SGCZ: variants seen among roughly 807,000 people sequenced by gnomAD.
SGCZ encodes sarcoglycan zeta.
SGCZ carries 40 observed loss-of-function variants against 41.3 expected under a neutral mutation model. That is an observed-to-expected ratio of 0.97 (90% CI 0.75 to 1.26). The LOEUF (loss-of-function observed/expected upper bound fraction) is 1.26. SGCZ is among the 50% of genes most tolerant of loss of function. The probability of loss-of-function intolerance (pLI) is 0.00; values close to 1 mark genes in which losing one functional copy is unlikely to be tolerated. For missense variants in SGCZ, 552 were observed against 369.8 expected, an observed-to-expected ratio of 1.49 and a Z score of -4.04; for synonymous variants, 206 against 137.5, an observed-to-expected ratio of 1.50 and a Z score of -3.49.
intron 2 of SGCZ, among the ~76,000 whole-genome samples, chr8:14,404,551 A>C (rs533534965): frequency 6.6e-6 from 1 of 152,330 alleles, no homozygotes; most frequent in East Asian, 1.9e-4. Flanking sequence ...TTGTCATTTC[A>C]AATTAGATGT....
chr8:14,121,357 T>C (rs1802690503), intron 5 of SGCZ, among the ~76,000 whole-genome samples: 1 of 152,206 alleles, frequency 6.6e-6, no homozygotes, highest in East Asian at 1.9e-4. Context: ...CATAGCAAAT[T>C]GATGCCGTTA....
chr8:14,935,331 A>T (rs1411416932), intron 1 of SGCZ, among the ~76,000 whole-genome samples: 2 of 151,752 alleles, frequency 1.3e-5, no homozygotes, highest in South Asian at 4.1e-4. Context: ...CCATGTTGAC[A>T]TACATAACTT....
chr8:15,209,978 C>A (rs146055880), intron 1 of SGCZ, among the ~76,000 whole-genome samples: 1 of 152,046 alleles, frequency 6.6e-6, no homozygotes, highest in South Asian at 2.1e-4. Flanking sequence ...GGGATTTACT[C>A]ACACTATTTA....
chr8:14,373,462 C>A (rs1803985498), intron 2 of SGCZ, among the ~76,000 whole-genome samples: 1 of 152,076 alleles, frequency 6.6e-6, no homozygotes, highest in South Asian at 2.1e-4. Flanking sequence ...CCATGATATT[C>A]AGAGAAGACA....
At chr8:14,793,289 C>T (rs531146473) in intron 1 of SGCZ, among the ~76,000 whole-genome samples, 1 of 152,198 alleles carries the variant, frequency 6.6e-6, no homozygotes, top group African/African-American at 2.4e-5. Context: ...TAACAGATGT[C>T]CCTGCTTCCA....
At chr8:14,121,439 T>C (rs1008829188) in intron 5 of SGCZ, among the ~76,000 whole-genome samples, 1 of 152,120 alleles carries the variant, frequency 6.6e-6, no homozygotes, top group African/African-American at 2.4e-5. Flanking sequence ...TAGAAAATAA[T>C]GCTCTTTTTT....
intron 1 of SGCZ, among the ~76,000 whole-genome samples, chr8:15,008,623 T>C (rs112480283): frequency 0.43 from 11,009 of 25,654 alleles, 2,801 homozygotes; most frequent in Non-Finnish European, 0.46. Context: ...GATGGACGGA[T>C]GGGAGGGAAG....
chr8:14,709,934 T>C (rs1809459405), intron 1 of SGCZ, among the ~76,000 whole-genome samples: 1 of 152,180 alleles, frequency 6.6e-6, no homozygotes, highest in Non-Finnish European at 1.5e-5. Flanking sequence ...TATGTACCTG[T>C]TGAAGTCTGT....
At chr8:14,296,155 A>C (rs985573562) in intron 3 of SGCZ, among the ~76,000 whole-genome samples, 1 of 152,180 alleles carries the variant, frequency 6.6e-6, no homozygotes, top group Non-Finnish European at 1.5e-5. Flanking sequence ...AGACTCAACA[A>C]GATCTATCTG....
chr8:14,612,782 G>A (rs893942165), intron 1 of SGCZ, among the ~76,000 whole-genome samples: 1 of 152,078 alleles, frequency 6.6e-6, no homozygotes, highest in Non-Finnish European at 1.5e-5. Flanking sequence ...CACCTCCCAA[G>A]CTCAAATGAT....
intron 1 of SGCZ, among the ~76,000 whole-genome samples, chr8:14,958,353 A>C (rs1047904795): frequency 3.6e-4 from 54 of 152,106 alleles, no homozygotes; most frequent in African/African-American, 1.3e-3. Flanking sequence ...AATGTTGGTC[A>C]ATGGATAAAA....
chr8:14,831,991 G>C (rs1391751442), intron 1 of SGCZ, among the ~76,000 whole-genome samples: 1 of 151,848 alleles, frequency 6.6e-6, no homozygotes, highest in Admixed American at 6.6e-5. Flanking sequence ...GTTTTATTGA[G>C]GCATATAGAT....
chr8:15,042,217 C>T (rs1271209949), intron 1 of SGCZ, among the ~76,000 whole-genome samples: 1 of 152,092 alleles, frequency 6.6e-6, no homozygotes, highest in Non-Finnish European at 1.5e-5. Context: ...ATGTGTAGAC[C>T]AGCCTTCATT....
At chr8:15,029,702 A>C (rs1446973591) in intron 1 of SGCZ, among the ~76,000 whole-genome samples, 1 of 152,070 alleles carries the variant, frequency 6.6e-6, no homozygotes, top group East Asian at 1.9e-4. Context: ...AAAATGCTGA[A>C]TCCCATTTTT....
intron 1 of SGCZ, among the ~76,000 whole-genome samples, chr8:14,944,683 T>A (rs1426149936): frequency 1.3e-5 from 2 of 152,200 alleles, no homozygotes; most frequent in Non-Finnish European, 2.9e-5. Context: ...GTACATGGGC[T>A]CTTTAACACA....
intron 1 of SGCZ, among the ~76,000 whole-genome samples, chr8:15,026,841 A>ACAATTCT (rs1803477185): frequency 6.6e-6 from 1 of 152,172 alleles, no homozygotes; most frequent in Admixed American, 6.6e-5. Context: ...TTATCGTTCT[A>ACAATTCT]CAATTCTCTT....
intron 1 of SGCZ, among the ~76,000 whole-genome samples, chr8:15,094,432 G>C (rs1379485842): frequency 6.6e-6 from 1 of 152,168 alleles, no homozygotes; most frequent in South Asian, 2.1e-4. Flanking sequence ...ACTTTGCCCA[G>C]CAACAGGCCA....
At chr8:14,481,818 T>A (rs1286178768) in intron 2 of SGCZ, among the ~76,000 whole-genome samples, 2 of 152,216 alleles carry the variant, frequency 1.3e-5, no homozygotes, top group Non-Finnish European at 2.9e-5. Flanking sequence ...AACCGATTCC[T>A]TTATAAACAG....
intron 1 of SGCZ, among the ~76,000 whole-genome samples, chr8:15,209,047 T>C (rs917630080): frequency 2.6e-5 from 4 of 152,084 alleles, no homozygotes; most frequent in African/African-American, 9.7e-5. Flanking sequence ...CTTGGAGTTC[T>C]AAGAAACTAC....
Sources: gnomAD v4.1 joint callset for allele counts (sites outside exome capture counted in the v4.1 genomes callset) on GRCh38, gnomAD v4.1.1 for gene constraint, MANE v1.5 for transcripts, NCBI Gene and HGNC (gene_info 2026-07-23, HGNC 2026-07-21) for gene names.